Variants in WRN observed in about 807,000 individuals in gnomAD.
WRN encodes the protein WRN RecQ like helicase, also known as bifunctional 3'-5' exonuclease/ATP-dependent helicase WRN.
WRN carries 149 observed loss-of-function variants against 180.7 expected under a neutral mutation model. The ratio of observed to expected loss-of-function variants is 0.82; its 90% confidence interval spans 0.72 to 0.94. The LOEUF (loss-of-function observed/expected upper bound fraction) is 0.94. Ranked by LOEUF, WRN falls within the 40% of genes least tolerant of loss-of-function variation. The probability of loss-of-function intolerance (pLI) is 0.00; values close to 1 mark genes in which losing one functional copy is unlikely to be tolerated. For synonymous variants in WRN, 548 were observed against 568.9 expected, an observed-to-expected ratio of 0.96 and a Z score of 0.52; for missense variants, 1,661 against 1,700.1, an observed-to-expected ratio of 0.98 and a Z score of 0.40.
intron 31 of WRN, among the ~76,000 whole-genome samples, chr8:31,150,897 C>T (rs1215983423): frequency 1.3e-5 from 2 of 152,154 alleles, no homozygotes; most frequent in African/African-American, 4.8e-5. Flanking sequence ...AAGTGGATTT[C>T]ATATTATTCT....
chr8:31,121,860 C>T (rs1213763849), intron 21 of WRN, among the ~76,000 whole-genome samples: 1 of 151,926 alleles, frequency 6.6e-6, no homozygotes, highest in Non-Finnish European at 1.5e-5. Flanking sequence ...TTCCTTTAGA[C>T]AGTTGTATCT....
rs778872619 is a variant in WRN at position 31,143,615 on chromosome 8, T to TA, written c.3382dup (p.Ser1128LysfsTer37). Reference sequence around the variant, plus strand: ...AGATTTCTTCTGGGAGTAACATTTCTAAAAAAAGGTACAGAGTTCCATATT... The same window carrying TA: ...AGATTTCTTCTGGGAGTAACATTTCTAAAAAAAAGGTACAGAGTTCCATATT... On this transcript the variant is annotated frameshift_variant, in exon 28 of 35. Transcript: ENST00000298139. LOFTEE classifies it high-confidence loss of function. 2 of 1,582,286 alleles carry TA rather than the reference T, an allele frequency of 1.3e-6. No individual in the cohort carries two copies. The highest frequency in any genetic ancestry group is 2.7e-5 in the African/African-American group (2 of 74,190).
chr8:31,161,886 C>T (rs868709099), intron 33 of WRN, among the ~76,000 whole-genome samples: 11 of 149,094 alleles, frequency 7.4e-5, no homozygotes, highest in Non-Finnish European at 7.4e-5. Flanking sequence ...GTACAGGGCA[C>T]TTACCACGAA....
intron 18 of WRN, among the ~76,000 whole-genome samples, chr8:31,107,980 T>C (rs1412584041): frequency 2.0e-5 from 3 of 152,244 alleles, no homozygotes; most frequent in Non-Finnish European, 4.4e-5. Context: ...GAATGAAGTA[T>C]GTGTGATGTT....
At chr8:31,122,781 T>C (rs1030570803) in intron 21 of WRN, among the ~76,000 whole-genome samples, 4 of 151,544 alleles carry the variant, frequency 2.6e-5, no homozygotes, top group Non-Finnish European at 4.4e-5. Context: ...ACTGACGAGA[T>C]TAGTTAAATG....
intron 18 of WRN, among the ~76,000 whole-genome samples, chr8:31,106,606 A>T (rs985123575): frequency 1.3e-5 from 2 of 151,912 alleles, no homozygotes; most frequent in African/African-American, 4.8e-5. Context: ...TGTCTATAGG[A>T]TGTTCTCCCA....
intron 16 of WRN, 27 bp from the exon 17 acceptor site, chr8:31,096,741 T>TC (rs1813995944): frequency 1.3e-6 from 2 of 1,555,148 alleles, no homozygotes; most frequent in African/African-American, 1.4e-5. Flanking sequence ...TTTTTTTTTT[T>TC]CTTTTTTCTT....
intron 6 of WRN, 89 bp from the exon 7 acceptor site, chr8:31,068,169 C>A: frequency 1.1e-6 from 1 of 943,912 alleles, no homozygotes; most frequent in South Asian, 1.5e-5. Context: ...CTTTGTGAAT[C>A]ATTCTCTTCG....
intron 24 of WRN, among the ~76,000 whole-genome samples, chr8:31,138,000 C>T (rs562394350): frequency 3.3e-5 from 5 of 151,882 alleles, no homozygotes; most frequent in East Asian, 1.9e-4. Flanking sequence ...CTGCTTGGGA[C>T]GCTGAGGTGG....
intron 8 of WRN, among the ~76,000 whole-genome samples, chr8:31,078,615 T>C (rs1461435133): frequency 6.6e-6 from 1 of 152,246 alleles, no homozygotes; most frequent in Non-Finnish European, 1.5e-5. Flanking sequence ...TGAAGTTTGT[T>C]ACAGAAGGGA....
chr8:31,040,354 C>G (rs1254197735), intron 1 of WRN, among the ~76,000 whole-genome samples: 3 of 152,080 alleles, frequency 2.0e-5, no homozygotes, highest in African/African-American at 7.2e-5. Flanking sequence ...TGTATAACAG[C>G]TAATTTAAAA....
At chr8:31,153,192 A>C (rs1398617251) in intron 31 of WRN, among the ~76,000 whole-genome samples, 1 of 152,172 alleles carries the variant, frequency 6.6e-6, no homozygotes, top group East Asian at 1.9e-4. Flanking sequence ...TCTAATATAT[A>C]CACTGATATT....
intron 24 of WRN, among the ~76,000 whole-genome samples, chr8:31,137,826 T>A (rs531735089): frequency 6.6e-6 from 1 of 151,666 alleles, no homozygotes; most frequent in South Asian, 2.1e-4. Flanking sequence ...TAAGAAAAAA[T>A]TAGCATTTAT....
At chr8:31,138,370 C>G (rs1802480366) in intron 24 of WRN, among the ~76,000 whole-genome samples, 1 of 152,024 alleles carries the variant, frequency 6.6e-6, no homozygotes, top group Non-Finnish European at 1.5e-5. Context: ...TATGGGTTAC[C>G]TATAGTAAAA....
chr8:31,090,057 T>C (rs538069647), intron 13 of WRN, among the ~76,000 whole-genome samples: 9 of 151,852 alleles, frequency 5.9e-5, no homozygotes, highest in Non-Finnish European at 1.2e-4. Context: ...ATTTTAAATA[T>C]ACATGTGCAT....
chr8:31,147,306 A>C, intron 29 of WRN, 58 bp from the exon 30 acceptor site: 1 of 1,553,724 alleles, frequency 6.4e-7, no homozygotes, highest in Non-Finnish European at 8.9e-7. Flanking sequence ...TCTAAAAATA[A>C]AGGACTAGAT....
intron 23 of WRN, among the ~76,000 whole-genome samples, chr8:31,125,308 C>T (rs535558110): frequency 1.3e-5 from 2 of 150,686 alleles, no homozygotes; most frequent in Non-Finnish European, 3.0e-5. Context: ...ACGTTGTCCA[C>T]AAGAAATCCA....
chr8:31,130,941 CTT>C (rs1202967667), intron 23 of WRN, among the ~76,000 whole-genome samples: 1 of 152,090 alleles, frequency 6.6e-6, no homozygotes, highest in Non-Finnish European at 1.5e-5. Flanking sequence ...CAAAGGGAGT[CTT>C]TTCACAGAAC....
chr8:31,126,504 T>G (rs1054806155), intron 23 of WRN, among the ~76,000 whole-genome samples: 8 of 152,132 alleles, frequency 5.3e-5, no homozygotes, highest in Non-Finnish European at 1.2e-4. Context: ...AGAAGGAAAT[T>G]TATAGCATTA....
Sources: gnomAD v4.1 joint callset for allele counts (sites outside exome capture counted in the v4.1 genomes callset) on GRCh38, gnomAD v4.1.1 for gene constraint, MANE v1.5 for transcripts, NCBI Gene and HGNC (gene_info 2026-07-23, HGNC 2026-07-21) for gene names.